Variants in AGBL1 observed in about 807,000 individuals in gnomAD.
AGBL1 encodes the protein cytosolic carboxypeptidase 4.
Under a neutral mutation model 118.9 loss-of-function variants are expected in AGBL1, and 130 were observed. That is an observed-to-expected ratio of 1.09 (90% confidence interval 0.95 to 1.26). AGBL1 has a LOEUF of 1.26. Ranked by LOEUF, AGBL1 falls within the 50% of genes most tolerant of loss-of-function variation. The pLI, the probability that AGBL1 is intolerant of heterozygous loss-of-function variation, is 0.00. For missense variants in AGBL1, 1,584 were observed against 1,298.1 expected (o/e 1.22, Z -3.38); for synonymous variants, 555 against 478.9 (o/e 1.16, Z -2.08).
intron 6 of AGBL1, among the ~76,000 whole-genome samples, chr15:86,238,492 C>G (rs2078589867): frequency 6.6e-6 from 1 of 152,188 alleles, no homozygotes; most frequent in Non-Finnish European, 1.5e-5. Flanking sequence ...AGAAGCAAAC[C>G]TCCCAAGAGT....
At chr15:86,865,468 G>A (rs539318384) in intron 22 of AGBL1, among the ~76,000 whole-genome samples, 9 of 152,190 alleles carry the variant, frequency 5.9e-5, no homozygotes, top group Non-Finnish European at 4.4e-5. Context: ...TGGACCGGAG[G>A]AGTGAATATA....
intron 5 of AGBL1, among the ~76,000 whole-genome samples, chr15:86,195,419 G>A (rs2077786192): frequency 6.6e-6 from 1 of 151,824 alleles, no homozygotes; most frequent in Admixed American, 6.6e-5. Context: ...TTTTTCACAG[G>A]GTTTGGTAGT....
At chr15:86,864,462 C>T (rs972877076) in intron 22 of AGBL1, among the ~76,000 whole-genome samples, 19 of 151,980 alleles carry the variant, frequency 1.3e-4, no homozygotes, top group African/African-American at 4.6e-4. Flanking sequence ...ATTTTAATAC[C>T]TTCATGTCAT....
chr15:86,424,638 A>T (rs2081841322), intron 18 of AGBL1, among the ~76,000 whole-genome samples: 1 of 152,244 alleles, frequency 6.6e-6, no homozygotes, highest in Non-Finnish European at 1.5e-5. Context: ...TGATCTATCC[A>T]TCTGACAAAG....
intron 18 of AGBL1, among the ~76,000 whole-genome samples, chr15:86,425,065 ACT>A (rs961123020): frequency 5.3e-5 from 8 of 152,290 alleles, no homozygotes; most frequent in South Asian, 2.1e-4. Flanking sequence ...ATTATAAATC[ACT>A]CTGTTATAAA....
chr15:86,791,071 A>G (rs377571084), intron 22 of AGBL1, among the ~76,000 whole-genome samples: 2 of 152,208 alleles, frequency 1.3e-5, no homozygotes, highest in Non-Finnish European at 2.9e-5. Flanking sequence ...ATTTGGAAAG[A>G]TATGAAAATC....
chr15:86,395,035 T>G (rs529931380), intron 17 of AGBL1, among the ~76,000 whole-genome samples: 1 of 152,268 alleles, frequency 6.6e-6, no homozygotes, highest in South Asian at 2.1e-4. Flanking sequence ...TGTAATATCA[T>G]AAGCACTTGC....
At position 86,246,092 on chromosome 15, in the gene AGBL1, C is replaced by T. The variant is rs183081954; in HGVS notation, c.527-1579C>T. Among the ~76,000 whole-genome samples, 4 of 152,218 alleles carry T rather than the reference C, an allele frequency of 2.6e-5. No homozygotes were observed. In the East Asian group the frequency reaches 7.7e-4, roughly 29 times the overall value. On this transcript the variant is annotated intron_variant, in intron 6 of 22. Transcript: ENST00000614907. ...GGAGATGGGGTTTTACTATGTTACTCAGGCTTGTCTCCAAACTCCTGGCCT... is the reference window on the plus strand; with the variant it reads ...GGAGATGGGGTTTTACTATGTTACTTAGGCTTGTCTCCAAACTCCTGGCCT...
At position 86,460,356 on chromosome 15, in the gene AGBL1, C is replaced by T. The variant is rs558144939; in HGVS notation, c.2556-62454C>T. On this transcript the variant is annotated intron_variant, in intron 18 of 22. Coordinates refer to ENST00000614907, the MANE Select transcript of AGBL1 (RefSeq NM_001386094.1). ...AAAAAAAAAAAAAAAAATAGCCAGG[C>T]GTGGTGATAGGTACCTATAGTCCTA... Among the ~76,000 whole-genome samples, 5 of 136,876 alleles carry T rather than the reference C, an allele frequency of 3.7e-5. No individual in the cohort carries two copies. The South Asian group carries it at 7.1e-4, about 19-fold the overall frequency. 89.8% of individuals were successfully genotyped at this position (136,876 alleles called of 152,430 possible).
At chr15:86,432,614 C>T (rs1194456057) in intron 18 of AGBL1, among the ~76,000 whole-genome samples, 2 of 152,158 alleles carry the variant, frequency 1.3e-5, no homozygotes, top group African/African-American at 2.4e-5. Context: ...TAGAGTTACT[C>T]TTTTTCCCTC....
intron 21 of AGBL1, among the ~76,000 whole-genome samples, chr15:86,579,400 T>C (rs1326833784): frequency 1.3e-5 from 2 of 152,204 alleles, no homozygotes; most frequent in East Asian, 1.9e-4. Flanking sequence ...TAAATGTGAA[T>C]TATGACTGTT....
chr15:86,167,091 T>A (rs1317127404), intron 5 of AGBL1, among the ~76,000 whole-genome samples: 1 of 152,154 alleles, frequency 6.6e-6, no homozygotes. Context: ...TGTATTTTCC[T>A]GTAAATCACA....
intron 22 of AGBL1, among the ~76,000 whole-genome samples, chr15:86,827,318 C>T (rs12902180): frequency 0.028 from 308 of 11,050 alleles, 22 homozygotes; most frequent in Non-Finnish European, 0.05. Context: ...TATATATATA[C>T]ACACACATAT....
At chr15:86,890,229 A>G (rs2080033513) in intron 22 of AGBL1, among the ~76,000 whole-genome samples, 1 of 151,590 alleles carries the variant, frequency 6.6e-6, no homozygotes, top group South Asian at 2.1e-4. Context: ...TCCTTTGCCC[A>G]CTTTTTAATG....
chr15:86,202,821 G>A (rs904967156), intron 5 of AGBL1, among the ~76,000 whole-genome samples: 4 of 152,310 alleles, frequency 2.6e-5, no homozygotes, highest in Admixed American at 6.5e-5. Context: ...CACAGGCAAA[G>A]CCCTGGTGCT....
chr15:86,302,985 G>A (rs1355808303), intron 17 of AGBL1, among the ~76,000 whole-genome samples: 1 of 152,092 alleles, frequency 6.6e-6, no homozygotes, highest in Non-Finnish European at 1.5e-5. Context: ...GACAAGATCA[G>A]ATTTGTTTTG....
chr15:86,638,196 G>T (rs1220862428), intron 21 of AGBL1, among the ~76,000 whole-genome samples: 1 of 152,158 alleles, frequency 6.6e-6, no homozygotes, highest in Non-Finnish European at 1.5e-5. Flanking sequence ...GCAGTTGGTA[G>T]CCCAGTCAAG....
intron 1 of AGBL1, among the ~76,000 whole-genome samples, chr15:86,137,173 A>G (rs1828947398): frequency 6.6e-6 from 1 of 152,236 alleles, no homozygotes; most frequent in Admixed American, 6.5e-5. Flanking sequence ...TCCACTGATC[A>G]CCATAATGTT....
chr15:86,512,136 A>G (rs2083059454), intron 18 of AGBL1, among the ~76,000 whole-genome samples: 1 of 151,964 alleles, frequency 6.6e-6, no homozygotes, highest in African/African-American at 2.4e-5. Context: ...ACAAAACACT[A>G]TCTTGTCTTT....
Sources: gnomAD v4.1 joint callset for allele counts (sites outside exome capture counted in the v4.1 genomes callset) on GRCh38, gnomAD v4.1.1 for gene constraint, MANE v1.5 for transcripts, NCBI Gene and HGNC (gene_info 2026-07-23, HGNC 2026-07-21) for gene names.